CSMD1: variants seen among roughly 807,000 people sequenced by gnomAD.
The protein encoded by CSMD1 is CUB and sushi domain-containing protein 1.
Under a neutral mutation model 417.5 loss-of-function variants are expected in CSMD1, and 213 were observed. The observed-to-expected ratio is 0.51, with a 90% confidence interval of 0.46 to 0.57. The LOEUF is 0.57. CSMD1 is among the 20% of genes least tolerant of loss of function. CSMD1 has a pLI of 0.00. For missense variants in CSMD1, 6,923 were observed against 4,529.7 expected (o/e 1.53, Z -15.17); for synonymous variants, 2,862 against 1,736.8 (o/e 1.65, Z -16.11).
intron 7 of CSMD1, among the ~76,000 whole-genome samples, chr8:3,681,102 G>T (rs1292945792): frequency 6.6e-6 from 1 of 152,110 alleles, no homozygotes; most frequent in Non-Finnish European, 1.5e-5. Context: ...GGCAAAAACT[G>T]GAAGCATTCC....
chr8:4,170,126 G>A (rs1415053263), intron 3 of CSMD1, among the ~76,000 whole-genome samples: 2 of 151,648 alleles, frequency 1.3e-5, no homozygotes, highest in Non-Finnish European at 2.9e-5. Context: ...TCCCTCCAGG[G>A]GCTTCTCTTG....
At chr8:4,196,172 C>G (rs1799330121) in intron 3 of CSMD1, among the ~76,000 whole-genome samples, 1 of 152,092 alleles carries the variant, frequency 6.6e-6, no homozygotes, top group Admixed American at 6.5e-5. Flanking sequence ...GATCGCGCCA[C>G]TGCACTCCAG....
intron 40 of CSMD1, among the ~76,000 whole-genome samples, chr8:3,144,346 A>G (rs960501353): frequency 2.0e-5 from 3 of 152,162 alleles, no homozygotes; most frequent in African/African-American, 7.2e-5. Flanking sequence ...CTTGGAGAAA[A>G]TCAGTTTGTA....
chr8:4,569,034 T>C (rs1175713921), intron 2 of CSMD1, among the ~76,000 whole-genome samples: 2 of 152,188 alleles, frequency 1.3e-5, no homozygotes, highest in Non-Finnish European at 2.9e-5. Context: ...GTCAGATGGA[T>C]AGATTGACAA....
intron 52 of CSMD1, among the ~76,000 whole-genome samples, chr8:3,005,177 T>C (rs115319949): frequency 0.021 from 3,127 of 152,178 alleles, 97 homozygotes; most frequent in African/African-American, 0.07. Context: ...ACGGTGAAAC[T>C]TCAGAACCAT....
chr8:4,317,429 C>G (rs966604317), intron 3 of CSMD1, among the ~76,000 whole-genome samples: 7 of 152,162 alleles, frequency 4.6e-5, no homozygotes, highest in Non-Finnish European at 8.8e-5. Flanking sequence ...TAGTGTATCT[C>G]TGTTGTCATA....
rs541311454 is a variant in CSMD1 at position 3,627,154 on chromosome 8, G to C, written c.1010-10357C>G. Among the ~76,000 whole-genome samples, 18 of 152,136 alleles carry C rather than the reference G, an allele frequency of 1.2e-4. No homozygotes were observed. In the South Asian group the frequency reaches 3.5e-3, roughly 30 times the overall value. On this transcript the variant is annotated intron_variant, in intron 7 of 69. Transcript: ENST00000635120. ...GTCACTCAAAAATTTAATTCTCTTA[G>C]AATATGTGCAGTGCAATTTCACCCT... is the stretch of plus-strand genomic sequence containing the variant.
At chr8:4,430,755 A>T (rs1169986357) in intron 2 of CSMD1, among the ~76,000 whole-genome samples, 1 of 152,140 alleles carries the variant, frequency 6.6e-6, no homozygotes, top group Non-Finnish European at 1.5e-5. Flanking sequence ...CACATAATGT[A>T]TGTTTATGAC....
At chr8:3,984,494 G>T (rs1483148645) in intron 5 of CSMD1, among the ~76,000 whole-genome samples, 1 of 151,634 alleles carries the variant, frequency 6.6e-6, no homozygotes, top group African/African-American at 2.4e-5. Context: ...ATAATGACTA[G>T]CTCATTTTGA....
intron 12 of CSMD1, among the ~76,000 whole-genome samples, chr8:3,437,710 G>T (rs1304414607): frequency 6.6e-6 from 1 of 151,406 alleles, no homozygotes; most frequent in Non-Finnish European, 1.5e-5. Context: ...AGAACACCCT[G>T]TTCCCACCAA....
At chr8:3,120,230 G>C (rs1457467246) in intron 41 of CSMD1, among the ~76,000 whole-genome samples, 1 of 152,136 alleles carries the variant, frequency 6.6e-6, no homozygotes, top group Non-Finnish European at 1.5e-5. Flanking sequence ...AACACAAAGA[G>C]CTTGATGCGG....
At chr8:4,563,230 T>A (rs1378720840) in intron 2 of CSMD1, among the ~76,000 whole-genome samples, 1 of 151,842 alleles carries the variant, frequency 6.6e-6, no homozygotes, top group African/African-American at 2.4e-5. Context: ...TGAAACCCCG[T>A]CTCTACTAAA....
At chr8:3,830,159 G>T (rs1434310439) in intron 5 of CSMD1, among the ~76,000 whole-genome samples, 4 of 152,146 alleles carry the variant, frequency 2.6e-5, no homozygotes, top group African/African-American at 4.8e-5. Context: ...ATGCTCCAGA[G>T]TTTCTCTTCC....
intron 5 of CSMD1, among the ~76,000 whole-genome samples, chr8:3,794,221 G>C (rs1585008269): frequency 1.3e-5 from 2 of 152,128 alleles, no homozygotes; most frequent in South Asian, 2.1e-4. Context: ...TTTCCTTCTT[G>C]GGACAATCCT....
chr8:4,983,474 G>C (rs1216671029), intron 1 of CSMD1, among the ~76,000 whole-genome samples: 6 of 152,182 alleles, frequency 3.9e-5, no homozygotes, highest in Non-Finnish European at 1.5e-5. Context: ...TAAGATTTAT[G>C]AAGTCCAAAC....
intron 2 of CSMD1, among the ~76,000 whole-genome samples, chr8:4,463,464 G>A (rs977793966): frequency 1.3e-5 from 2 of 152,126 alleles, no homozygotes; most frequent in Non-Finnish European, 2.9e-5. Flanking sequence ...GTATGCAAAT[G>A]GTTATAGCAG....
chr8:3,038,458 T>C (rs1258972953), intron 50 of CSMD1, among the ~76,000 whole-genome samples: 1 of 152,258 alleles, frequency 6.6e-6, no homozygotes, highest in African/African-American at 2.4e-5. Context: ...GTAAAAGCAA[T>C]ACACAGCATT....
chr8:3,541,406 G>A (rs549766271), intron 10 of CSMD1, among the ~76,000 whole-genome samples: 4 of 152,148 alleles, frequency 2.6e-5, no homozygotes, highest in South Asian at 2.1e-4. Flanking sequence ...GCATCAGGAT[G>A]AATAGCTAAT....
At chr8:4,399,828 C>A (rs1182121390) in intron 3 of CSMD1, among the ~76,000 whole-genome samples, 3 of 152,162 alleles carry the variant, frequency 2.0e-5, no homozygotes. Context: ...AATAAGTTTT[C>A]TAAGCCATTA....
Sources: allele counts gnomAD v4.1 joint callset (sites outside exome capture counted in the v4.1 genomes callset), GRCh38; gene constraint gnomAD v4.1.1; transcripts MANE v1.5; gene names NCBI Gene and HGNC (gene_info 2026-07-23, HGNC 2026-07-21).